The following RIC1 variants were observed in gnomAD, a reference collection of about 807,000 sequenced individuals.
RIC1 encodes the protein guanine nucleotide exchange factor subunit RIC1.
In RIC1, 88 loss-of-function variants were observed where a neutral mutation model predicts 169.0. The observed-to-expected ratio is 0.52, with a 90% CI of 0.44 to 0.62. RIC1 has a LOEUF of 0.62. Among genes scored for constraint, RIC1 ranks in the 20% least tolerant of loss-of-function variants. The pLI, the probability that RIC1 is intolerant of heterozygous loss-of-function variation, is 0.00. For synonymous variants in RIC1, 790 were observed against 601.5 expected, an observed-to-expected ratio of 1.31 and a Z score of -4.59; for missense variants, 1,877 against 1,725.5, an observed-to-expected ratio of 1.09 and a Z score of -1.56.
chr9:5,777,034 G>C (rs1216837128), downstream of RIC1, among the ~76,000 whole-genome samples: 1 of 152,058 alleles, frequency 6.6e-6, no homozygotes, highest in Non-Finnish European at 1.5e-5. Context: ...AAAGCATGTT[G>C]TTATTTTGGC....
At chr9:5,722,348 A>AGAGAGAGAGAGT (rs374028302) in intron 6 of RIC1, among the ~76,000 whole-genome samples, 5,318 of 131,266 alleles carry the variant, frequency 0.041, 163 homozygotes, top group Non-Finnish European at 0.059. Flanking sequence ...AGAGAGAGAG[A>AGAGAGAGAGAGT]GTGTGTGTGT....
chr9:5,635,152 T>C (rs1296420269), intron 1 of RIC1, among the ~76,000 whole-genome samples: 1 of 152,098 alleles, frequency 6.6e-6, no homozygotes, highest in Non-Finnish European at 1.5e-5. Flanking sequence ...CATGCCTAGT[T>C]AATTTTTTGA....
intron 3 of RIC1, among the ~76,000 whole-genome samples, chr9:5,701,813 A>G (rs1380187033): frequency 6.6e-6 from 1 of 152,194 alleles, no homozygotes; most frequent in African/African-American, 2.4e-5. Flanking sequence ...TAATTAAAAT[A>G]TTGAAGCTGG....
intron 6 of RIC1, among the ~76,000 whole-genome samples, chr9:5,723,934 C>G (rs140416309): frequency 0.012 from 1,883 of 152,222 alleles, 21 homozygotes; most frequent in Non-Finnish European, 0.018. Flanking sequence ...GTTTTGGTAC[C>G]AGTACCATGC....
At chr9:5,750,763 GT>G (rs5896129) in intron 12 of RIC1, among the ~76,000 whole-genome samples, 1 of 151,048 alleles carries the variant, frequency 6.6e-6, no homozygotes, top group South Asian at 2.1e-4. Context: ...TTCATGACCT[GT>G]TTTTTTTGTC....
At chr9:5,671,322 T>A (rs1385266306) in intron 2 of RIC1, among the ~76,000 whole-genome samples, 1 of 150,984 alleles carries the variant, frequency 6.6e-6, no homozygotes, top group Admixed American at 6.6e-5. Context: ...CAGACTGGAG[T>A]GGAGTGGCGC....
Position 5,684,580 on chromosome 9 carries a change from T to G in RIC1, c.253-5379T>G, listed in dbSNP as rs78753917. On this transcript the variant is annotated intron_variant, in intron 2 of 25. Transcript: ENST00000414202. ...TATGTAAAAATGCAGTTGATTTTTC[T>G]ATATTTGTCTTGTGTCCAGCAGTCA... Among the ~76,000 whole-genome samples the G allele has an allele frequency of 2.3e-3, 345 of 152,310 alleles. 2 individuals are homozygous for G. Among genetic ancestry groups the G allele is most frequent in the Non-Finnish European group, 3.8e-3 (259 of 68,018 alleles).
Position 5,629,181 on chromosome 9 carries a change from G to A in RIC1, c.-129G>A. On this transcript the variant is annotated 5_prime_UTR_variant, in exon 1 of 26. Coordinates refer to ENST00000414202, the MANE Select transcript of RIC1 (RefSeq NM_020829.4). ...CGGCCCGGCCCGGCCAGGCCAGCGGGCAGATGCCCCGAGCTGCCGCCGCCG... is the reference window on the plus strand; with the variant it reads ...CGGCCCGGCCCGGCCAGGCCAGCGGACAGATGCCCCGAGCTGCCGCCGCCG... The A allele has an allele frequency of 1.1e-6, 1 of 926,422 alleles. No individual in the cohort carries two copies. The highest frequency in any genetic ancestry group is 1.4e-6 in the Non-Finnish European group (1 of 699,388). The allele number at this position is 926,422 out of a possible 1,614,324, so 57.4% of individuals were successfully genotyped here. A position where few individuals can be genotyped will look rare whatever the true frequency, so the allele number is the denominator to read the frequency against.
chr9:5,703,570 T>G (rs1224560076), intron 3 of RIC1, among the ~76,000 whole-genome samples: 3 of 152,218 alleles, frequency 2.0e-5, no homozygotes, highest in Non-Finnish European at 4.4e-5. Flanking sequence ...TATATAAATA[T>G]AATACAGCAT....
At chr9:5,690,164 T>G (rs1373807164) in intron 3 of RIC1, 126 bp downstream of exon 3, 1 of 524,180 alleles carries the variant, frequency 1.9e-6, no homozygotes, top group East Asian at 3.4e-5. Flanking sequence ...CAAATAGTAT[T>G]TAAAAAATTA....
intron 2 of RIC1, among the ~76,000 whole-genome samples, chr9:5,673,445 T>G (rs1820231619): frequency 6.6e-6 from 1 of 150,456 alleles, no homozygotes; most frequent in Non-Finnish European, 1.5e-5. Flanking sequence ...CAATACATAT[T>G]AAAATGAATG....
At chr9:5,673,178 A>C (rs1289534707) in intron 2 of RIC1, among the ~76,000 whole-genome samples, 1 of 152,062 alleles carries the variant, frequency 6.6e-6, no homozygotes, top group Non-Finnish European at 1.5e-5. Flanking sequence ...AGGGACAATT[A>C]TTATCTGTAT....
At position 5,629,223 on chromosome 9, in the gene RIC1, C is replaced by G; in HGVS notation, c.-87C>G. The G allele has an allele frequency of 8.0e-7, 1 of 1,246,162 alleles. No individual in the cohort carries two copies. 77.2% of individuals were successfully genotyped at this position (1,246,162 alleles called of 1,614,324 possible). A position where few individuals can be genotyped will look rare whatever the true frequency, so the allele number is the denominator to read the frequency against. ...CCGCCGCCGCCGCCGCCGACTCGGCCGGTGGCGGTGTGGGAGGTGGGCGAC... is the reference window on the plus strand; with the variant it reads ...CCGCCGCCGCCGCCGCCGACTCGGCGGGTGGCGGTGTGGGAGGTGGGCGAC... On this transcript the variant is annotated 5_prime_UTR_variant, in exon 1 of 26. Coordinates refer to ENST00000414202, the MANE Select transcript of RIC1 (RefSeq NM_020829.4).
intron 2 of RIC1, among the ~76,000 whole-genome samples, chr9:5,662,078 A>G (rs915709778): frequency 2.0e-5 from 3 of 152,206 alleles, no homozygotes; most frequent in African/African-American, 7.2e-5. Context: ...TTCCGCATCT[A>G]TTGAGATAAT....
chr9:5,772,837 G>C lies in RIC1; in HGVS notation c.3795-55G>C, dbSNP rs563306781. 3.8e-4 allele frequency: 595 copies of C among 1,566,264 alleles called. 2 individuals carry two copies. Among genetic ancestry groups the C allele is most frequent in the Middle Eastern group, 6.8e-4 (4 of 5,874 alleles). On this transcript the variant is annotated intron_variant, in intron 24 of 25. Coordinates refer to ENST00000414202, the MANE Select transcript of RIC1 (RefSeq NM_020829.4). ...CTCTCCTAATAATCATTGCACTTCT[G>C]TACATCTTATAGATCTTTCTTAGCA...
chr9:5,756,258 A>G lies in RIC1; in HGVS notation c.1739A>G (p.His580Arg), dbSNP rs751983902. ...TCAAATCTGGACAATGCCTTTGCTCATGTCACCAAAGCACAAGCAGAAACA... is the reference window on the plus strand; with the variant it reads ...TCAAATCTGGACAATGCCTTTGCTCGTGTCACCAAAGCACAAGCAGAAACA... ...RTSNLDNAFA[H>R]VTKAQAETLL... Residue 580 changes from histidine to arginine, a missense_variant, in exon 16 of 26, where the codon CAT becomes CGT. Physicochemically the swap from His to Arg is conservative, Grantham distance 29. Around this residue, in one of 3 missense-constraint regions of RIC1, gnomAD observed 1,104 missense variants for 992.0 expected, o/e 1.11. Transcript: ENST00000414202. The G allele has an allele frequency of 5.6e-6, 9 of 1,603,684 alleles. No individual in the cohort carries two copies. The highest frequency in any genetic ancestry group is 1.7e-4 in the Middle Eastern group (1 of 5,970).
In RIC1 at chr9:5,746,063, C is replaced by G; in HGVS notation, c.1228C>G (p.Leu410Val). 1 of 1,613,438 alleles carries G rather than the reference C, an allele frequency of 6.2e-7. No individual in the cohort carries two copies. The highest frequency in any genetic ancestry group is 1.1e-5 in the South Asian group (1 of 91,034). Residue 410 changes from leucine (L) to valine (V), a missense_variant, in exon 11 of 26, where the codon CTC becomes GTC. Coordinates refer to ENST00000414202, the MANE Select transcript of RIC1 (RefSeq NM_020829.4). ...GTTATTTCAGTTTATTAAGAGTGTA[C>G]TCACTGTAAACCCTTGTATGGTAAG... ...ILLFQFIKSV[L>V]TVNPCMSNQE... is the part of the protein sequence containing the mutation.
intron 17 of RIC1, among the ~76,000 whole-genome samples, chr9:5,759,828 G>A (rs1185520626): frequency 2.0e-5 from 3 of 152,126 alleles, no homozygotes; most frequent in Admixed American, 6.5e-5. Flanking sequence ...CTTGATAATT[G>A]TGAATCTGGA....
At chr9:5,726,367 G>C (rs1823985415) in intron 6 of RIC1, among the ~76,000 whole-genome samples, 1 of 152,120 alleles carries the variant, frequency 6.6e-6, no homozygotes, top group Non-Finnish European at 1.5e-5. Flanking sequence ...CAGATACTAG[G>C]ATTGCAACCC....
Sources: allele counts gnomAD v4.1 joint callset (sites outside exome capture counted in the v4.1 genomes callset), GRCh38; gene constraint gnomAD v4.1.1; regional missense constraint gnomAD v4.1.1; transcripts MANE v1.5; gene names NCBI Gene and HGNC (gene_info 2026-07-23, HGNC 2026-07-21).